The following NDUFA10 variants were observed in gnomAD, a reference collection of about 807,000 sequenced individuals.
NDUFA10 encodes NADH:ubiquinone oxidoreductase subunit A10.
Under a neutral mutation model 47.8 loss-of-function variants are expected in NDUFA10, and 40 were observed. The ratio of observed to expected loss-of-function variants is 0.84; its 90% confidence interval spans 0.65 to 1.09. The LOEUF is 1.09. Ranked by LOEUF, NDUFA10 falls within the 50% of genes least tolerant of loss-of-function variation. NDUFA10 has a pLI of 0.00. For synonymous variants in NDUFA10, 183 were observed against 172.2 expected, an observed-to-expected ratio of 1.06 and a Z score of -0.49; for missense variants, 413 against 451.1, an observed-to-expected ratio of 0.92 and a Z score of 0.76.
intron 9 of NDUFA10, among the ~76,000 whole-genome samples, chr2:239,983,090 C>A (rs899738740): frequency 6.6e-6 from 1 of 152,178 alleles, no homozygotes; most frequent in Non-Finnish European, 1.5e-5. Context: ...AAGGGCTCTA[C>A]CGAAGTCACT....
At chr2:239,989,648 C>T (rs985082291) in intron 9 of NDUFA10, among the ~76,000 whole-genome samples, 4 of 152,262 alleles carry the variant, frequency 2.6e-5, no homozygotes, top group African/African-American at 4.8e-5. Context: ...CTTCCACCCT[C>T]GCTGTCTGTC....
chr2:239,906,921 A>G lies in NDUFA10; in HGVS notation c.295-11607T>C, dbSNP rs1418965973. 6.6e-6 allele frequency among the ~76,000 whole-genome samples: 1 copy of G among 152,232 alleles called. No homozygotes were observed. Among genetic ancestry groups the G allele is most frequent in the East Asian group, 1.9e-4 (1 of 5,198 alleles). Reference sequence around the variant, plus strand: ...TGGAAAAAACTACTTTAAAGTTCTTATGGAACCAAAAAAGAGCCCACATTG... The same window carrying G: ...TGGAAAAAACTACTTTAAAGTTCTTGTGGAACCAAAAAAGAGCCCACATTG... On this transcript the variant is annotated intron_variant, in intron 4 of 5. Coordinates refer to the NDUFA10 transcript ENST00000419408. The surrounding 1 kb of genome is among the most constrained non-coding windows in gnomAD (Gnocchi z 4.3).
At chr2:240,021,691 G>A (rs1211900248) in intron 2 of NDUFA10, among the ~76,000 whole-genome samples, 3 of 152,148 alleles carry the variant, frequency 2.0e-5, no homozygotes, top group Admixed American at 6.5e-5. Flanking sequence ...CCCCTCTAGC[G>A]GGCAGCTGCT....
At position 239,934,284 on chromosome 2, in the gene NDUFA10, CAG is replaced by C. The variant is rs764115625; in HGVS notation, c.295-38972_295-38971del. 9.2e-5 allele frequency among the ~76,000 whole-genome samples: 14 copies of C among 152,320 alleles called. No individual in the cohort carries two copies. The South Asian group carries it at 2.9e-3, about 32-fold the overall frequency. Reference sequence around the variant, plus strand: ...TGTGATGACACCAGCCACTTATCAGCAGAGTCACTGCCATGTTGGGAGGGAGT... The same window carrying C: ...TGTGATGACACCAGCCACTTATCAGCAGTCACTGCCATGTTGGGAGGGAGT... On this transcript the variant is annotated intron_variant, in intron 4 of 5. Transcript: ENST00000419408.
At chr2:239,900,393 T>G (rs1693522223) in intron 4 of NDUFA10, among the ~76,000 whole-genome samples, 1 of 140,986 alleles carries the variant, frequency 7.1e-6, no homozygotes, top group African/African-American at 2.6e-5. Context: ...TGGAGAACCT[T>G]GACTAATACA....
In NDUFA10 at chr2:239,967,104, G is replaced by C. The variant is rs774074422; in HGVS notation, c.1000-5918C>G. On this transcript the variant is annotated intron_variant, in intron 9 of 9. Coordinates refer to ENST00000252711, the MANE Select transcript of NDUFA10 (RefSeq NM_004544.4). ...TTTATGTGCTTGAGATAAATTTCTA[G>C]AAATGGAACTGCTTGCTTAAGGAAA... 3.9e-5 allele frequency among the ~76,000 whole-genome samples: 6 copies of C among 152,142 alleles called. No individual in the cohort carries two copies. The South Asian group carries it at 8.3e-4, about 21-fold the overall frequency.
chr2:239,954,142 TCCC>T (rs1694608856), downstream of NDUFA10, among the ~76,000 whole-genome samples: 1 of 120,192 alleles, frequency 8.3e-6, no homozygotes, highest in Non-Finnish European at 1.7e-5. Flanking sequence ...GAGAGTGGGT[TCCC>T]CCGACGGTCA....
At chr2:239,984,830 G>C (rs1034231062) in intron 9 of NDUFA10, among the ~76,000 whole-genome samples, 1 of 152,246 alleles carries the variant, frequency 6.6e-6, no homozygotes, top group African/African-American at 2.4e-5. Flanking sequence ...GAGCCGGGGG[G>C]CTGAGAAGCC....
intron 5 of NDUFA10, among the ~76,000 whole-genome samples, chr2:239,892,868 A>T (rs1047675747): frequency 2.0e-5 from 3 of 152,178 alleles, no homozygotes; most frequent in Non-Finnish European, 4.4e-5. Context: ...TGGTAAAGAG[A>T]CTATCTACAA....
At chr2:240,011,761 A>T in intron 5 of NDUFA10, 65 bp from the exon 6 acceptor site, 2 of 1,391,482 alleles carry the variant, frequency 1.4e-6, no homozygotes, top group Non-Finnish European at 2.0e-6. Flanking sequence ...ACCTGTGCGT[A>T]TATAAAATGC....
chr2:239,940,391 C>G (rs767576740), intron 4 of NDUFA10, among the ~76,000 whole-genome samples: 1 of 152,208 alleles, frequency 6.6e-6, no homozygotes, highest in South Asian at 2.1e-4. Flanking sequence ...GACACTGTCA[C>G]GGCTATTCCC....
chr2:240,017,144 G>A (rs771706938), intron 4 of NDUFA10, among the ~76,000 whole-genome samples: 4 of 152,146 alleles, frequency 2.6e-5, no homozygotes, highest in Non-Finnish European at 4.4e-5. Flanking sequence ...TCAGATGAAG[G>A]CCTGCAACCA....
At chr2:239,913,848 C>G (rs1217908809) in intron 4 of NDUFA10, among the ~76,000 whole-genome samples, 1 of 152,220 alleles carries the variant, frequency 6.6e-6, no homozygotes, top group African/African-American at 2.4e-5. Context: ...GTGCAGATGC[C>G]AGAAAGGGGC....
At chr2:240,018,768 A>C in intron 3 of NDUFA10, 129 bp from the exon 4 acceptor site, 1 of 1,064,906 alleles carries the variant, frequency 9.4e-7, no homozygotes, top group South Asian at 1.4e-5. Context: ...AAAATACTGA[A>C]AAGAACATAG....
chr2:239,965,922 A>G (rs1695039247), intron 9 of NDUFA10, among the ~76,000 whole-genome samples: 1 of 152,240 alleles, frequency 6.6e-6, no homozygotes, highest in Non-Finnish European at 1.5e-5. Context: ...TGGACTCATT[A>G]CATTCACAGG....
chr2:239,913,866 C>T (rs547947363), intron 4 of NDUFA10, among the ~76,000 whole-genome samples: 2 of 152,332 alleles, frequency 1.3e-5, no homozygotes, highest in East Asian at 1.9e-4. Flanking sequence ...GGCATCACCT[C>T]GGCGTGCAGG....
chr2:239,986,112 A>G (rs1021250352), intron 9 of NDUFA10, among the ~76,000 whole-genome samples: 2 of 152,232 alleles, frequency 1.3e-5, no homozygotes, highest in African/African-American at 2.4e-5. Context: ...TGCCAGAGAA[A>G]TAAGAAATAT....
Position 239,957,973 on chromosome 2 carries a change from C to T in NDUFA10, c.*3145G>A, listed in dbSNP as rs1437324383. On this transcript the variant is annotated 3_prime_UTR_variant, in exon 10 of 10. Transcript: ENST00000252711. Reference sequence around the variant, plus strand: ...TCGAGAGAGTATTAGAAAACACTAGCGGCGTGAGGTGACTACTGACAATCA... The same window carrying T: ...TCGAGAGAGTATTAGAAAACACTAGTGGCGTGAGGTGACTACTGACAATCA... The T allele has an allele frequency of 3.3e-5, 5 of 152,202 alleles. No homozygotes were observed. The highest frequency in any genetic ancestry group is 1.9e-4 in the East Asian group (1 of 5,202). 9.4% of individuals were successfully genotyped at this position (152,202 alleles called of 1,614,324 possible). A position where few individuals can be genotyped will look rare whatever the true frequency, so the allele number is the denominator to read the frequency against.
At chr2:239,917,190 T>A (rs1379299390) in intron 4 of NDUFA10, among the ~76,000 whole-genome samples, 3 of 151,802 alleles carry the variant, frequency 2.0e-5, no homozygotes, top group Non-Finnish European at 4.4e-5. Flanking sequence ...ATTAAATAAA[T>A]AATAAAAATA....
Sources: allele counts gnomAD v4.1 joint callset (sites outside exome capture counted in the v4.1 genomes callset), GRCh38; gene constraint gnomAD v4.1.1; non-coding constraint Gnocchi (gnomAD v3.1); transcripts MANE v1.5; gene names NCBI Gene and HGNC (gene_info 2026-07-23, HGNC 2026-07-21).